Variants in LSM11 observed in about 807,000 individuals in gnomAD.
The protein encoded by LSM11 is LSM11, U7 small nuclear RNA associated, also known as U7 snRNA-associated Sm-like protein LSm11.
Under a neutral mutation model 28.1 loss-of-function variants are expected in LSM11, and 14 were observed. The ratio of observed to expected loss-of-function variants is 0.50; its 90% CI spans 0.33 to 0.78. LSM11 has a LOEUF of 0.78. Among genes scored for constraint, LSM11 ranks in the 30% least tolerant of loss-of-function variants. The pLI, the probability that LSM11 is intolerant of heterozygous loss-of-function variation, is 0.02. For missense variants in LSM11, 495 were observed against 510.6 expected (o/e 0.97, Z 0.30); for synonymous variants, 207 against 214.2 (o/e 0.97, Z 0.30).
chr5:157,747,103 C>T (rs115353537), intron 1 of LSM11, among the ~76,000 whole-genome samples: 6 of 152,124 alleles, frequency 3.9e-5, no homozygotes, highest in African/African-American at 1.4e-4. Flanking sequence ...ATTGACATGC[C>T]TATAGAGATG....
chr5:157,751,616 GT>G, intron 2 of LSM11, 87 bp downstream of exon 2: 1 of 1,424,114 alleles, frequency 7.0e-7, no homozygotes, highest in Non-Finnish European at 9.6e-7. Flanking sequence ...ACTGCATTAA[GT>G]AAAACCCAAA....
rs557208301 is a variant in LSM11, at chr5:157,753,991, G to A, written c.589-13G>A. The stretch of plus-strand genomic sequence containing the variant: ...TTCTGTCTAATGTTTTTCCTTTTGG[G>A]CTGTTCCTCTAGGCACTTACTGATG... On this transcript the variant is annotated splice_polypyrimidine_tract_variant and intron_variant, in intron 2 of 3. Coordinates refer to ENST00000286307, the MANE Select transcript of LSM11 (RefSeq NM_173491.4). The A allele has an allele frequency of 2.0e-6, 3 of 1,502,980 alleles. No homozygotes were observed. In the African/African-American group the frequency reaches 4.3e-5, roughly 22 times the overall value. 93.1% of individuals were successfully genotyped at this position (1,502,980 alleles called of 1,614,324 possible).
At chr5:157,750,467 T>C (rs1372613932) in intron 1 of LSM11, among the ~76,000 whole-genome samples, 1 of 152,234 alleles carries the variant, frequency 6.6e-6, no homozygotes, top group African/African-American at 2.4e-5. Flanking sequence ...AGTAGTGTCA[T>C]AGGAGCCAGA....
In LSM11 at chr5:157,745,487, G is replaced by A. The variant is rs563226750; in HGVS notation, c.448+1289G>A. Among the ~76,000 whole-genome samples, 35 of 152,288 alleles carry A rather than the reference G, an allele frequency of 2.3e-4. No homozygotes were observed. The South Asian group carries it at 6.8e-3, about 30-fold the overall frequency. On this transcript the variant is annotated intron_variant, in intron 1 of 3. Transcript: ENST00000286307. Reference sequence around the variant, plus strand: ...GTTCCCAAAATGAGAGCAGTTTGGGGGACCTTAATTTGCCTATGCAATTTG... The same window carrying A: ...GTTCCCAAAATGAGAGCAGTTTGGGAGACCTTAATTTGCCTATGCAATTTG...
chr5:157,753,953 A>G lies in LSM11; in HGVS notation c.589-51A>G, dbSNP rs201433212. 5.1e-5 allele frequency: 28 copies of G among 546,358 alleles called. No homozygotes were observed. The African/African-American group carries it at 1.0e-3, about 20-fold the overall frequency. 33.8% of individuals were successfully genotyped at this position (546,358 alleles called of 1,614,324 possible). ...TTTTTTCCCTGAAAAAGCTATACAA[A>G]TAATAATTTTAATTCTGTCTAATGT... On this transcript the variant is annotated intron_variant, in intron 2 of 3. Transcript: ENST00000286307.
At chr5:157,751,608 T>G in intron 2 of LSM11, 79 bp downstream of exon 2, 2 of 1,479,490 alleles carry the variant, frequency 1.4e-6, no homozygotes, top group East Asian at 2.4e-5. Flanking sequence ...CCTGAGTAAC[T>G]GCATTAAGTA....
In LSM11 at chr5:157,755,357, T is replaced by A; in HGVS notation, c.*93T>A. The stretch of plus-strand genomic sequence containing the variant: ...ATCCCAGTGAAACTCTGAGTTGGAA[T>A]GATTCCCTCTGGTCCTGCATATGCA... On this transcript the variant is annotated 3_prime_UTR_variant, in exon 4 of 4. Transcript: ENST00000286307. The A allele has an allele frequency of 7.4e-7, 1 of 1,347,158 alleles. No individual in the cohort carries two copies. 83.5% of individuals were successfully genotyped at this position (1,347,158 alleles called of 1,614,324 possible).
intron 1 of LSM11, among the ~76,000 whole-genome samples, chr5:157,748,419 G>A (rs1046410745): frequency 4.6e-5 from 7 of 152,110 alleles, no homozygotes; most frequent in African/African-American, 7.2e-5. Flanking sequence ...ACCCAGTTCT[G>A]GGAAGGCCTC....
chr5:157,746,454 A>C (rs377353443), intron 1 of LSM11, among the ~76,000 whole-genome samples: 3 of 152,250 alleles, frequency 2.0e-5, no homozygotes, highest in African/African-American at 7.2e-5. Context: ...TACCCATCCA[A>C]ATTCACAGAG....
At position 157,760,293 on chromosome 5, in the gene LSM11, A is replaced by G. The variant is rs1393596311; in HGVS notation, c.*5029A>G. 3 of 152,208 alleles carry G rather than the reference A, an allele frequency of 2.0e-5. No individual in the cohort carries two copies. Among genetic ancestry groups the G allele is most frequent in the Admixed American group, 6.5e-5 (1 of 15,292 alleles). The allele number at this position is 152,208 out of a possible 1,614,324, so 9.4% of individuals were successfully genotyped here. A position where few individuals can be genotyped will look rare whatever the true frequency, so the allele number is the denominator to read the frequency against. On this transcript the variant is annotated 3_prime_UTR_variant, in exon 4 of 4. Coordinates refer to ENST00000286307, the MANE Select transcript of LSM11 (RefSeq NM_173491.4). ...TAAATGATGATTATCTGGCTGAATT[A>G]TGTGTGAGCTAGAATCTAGGGTAGC... is the stretch of plus-strand genomic sequence containing the variant.
intron 2 of LSM11, 83 bp from the exon 3 acceptor site, chr5:157,753,921 C>G (rs1761280700): frequency 1.1e-6 from 1 of 941,572 alleles, no homozygotes; most frequent in Non-Finnish European, 1.5e-6. Flanking sequence ...TGTTACTCTG[C>G]CTTTTTTTTT....
chr5:157,751,277 T>C lies in LSM11; in HGVS notation c.449-113T>C. 4.2e-6 allele frequency: 5 copies of C among 1,201,002 alleles called. 1 individual carries two copies. The highest frequency in any genetic ancestry group is 1.5e-5 in the African/African-American group (1 of 64,824). 74.4% of individuals were successfully genotyped at this position (1,201,002 alleles called of 1,614,324 possible). On this transcript the variant is annotated intron_variant, in intron 1 of 3. Transcript: ENST00000286307. The stretch of plus-strand genomic sequence containing the variant: ...GGACCTTCCTGTTCCAATAGTGAGA[T>C]TGTCACTCTACCATGGGCCACATGT...
rs1383394805 is a variant in LSM11, at chr5:157,759,960, C to T, written c.*4696C>T. 1.3e-5 allele frequency: 2 copies of T among 152,146 alleles called. No homozygotes were observed. The highest frequency in any genetic ancestry group is 2.9e-5 in the Non-Finnish European group (2 of 68,018). 9.4% of individuals were successfully genotyped at this position (152,146 alleles called of 1,614,324 possible). A position where few individuals can be genotyped will look rare whatever the true frequency, so the allele number is the denominator to read the frequency against. Reference sequence around the variant, plus strand: ...CACTGCTCTAATAAAAATGAAAGCTCTCTGACAAGAAATAGTTCTGGATGG... The same window carrying T: ...CACTGCTCTAATAAAAATGAAAGCTTTCTGACAAGAAATAGTTCTGGATGG... On this transcript the variant is annotated 3_prime_UTR_variant, in exon 4 of 4. Transcript: ENST00000286307.
intron 2 of LSM11, 71 bp from the exon 3 acceptor site, chr5:157,753,933 T>C (rs201133764): frequency 2.9e-5 from 31 of 1,062,636 alleles, no homozygotes; most frequent in African/African-American, 2.5e-4. Context: ...TTTTTTTTTT[T>C]CCCTGAAAAA....
intron 1 of LSM11, among the ~76,000 whole-genome samples, chr5:157,745,330 G>A (rs1761131447): frequency 6.6e-6 from 1 of 152,180 alleles, no homozygotes; most frequent in Admixed American, 6.5e-5. Context: ...TTTATTAAGA[G>A]AGAACATCCT....
intron 1 of LSM11, among the ~76,000 whole-genome samples, chr5:157,744,746 G>A (rs1761120839): frequency 6.6e-6 from 1 of 152,202 alleles, no homozygotes; most frequent in Admixed American, 6.5e-5. Context: ...ATGATCGGAT[G>A]GAGTGTGGGG....
At chr5:157,751,571 A>G (rs202182360) in intron 2 of LSM11, 42 bp downstream of exon 2, 12 of 1,474,532 alleles carry the variant, frequency 8.1e-6, no homozygotes, top group African/African-American at 2.6e-5. Flanking sequence ...CCTCCTACAG[A>G]TTATATCTTC....
chr5:157,743,795 C>A lies in LSM11; in HGVS notation c.45C>A (p.Ser15Arg). Residue 15 changes from serine to arginine, a missense_variant, in exon 1 of 4, where the codon AGC (serine) becomes AGA (arginine). By Grantham distance (110) the Ser-to-Arg change is moderately radical. Coordinates refer to ENST00000286307, the MANE Select transcript of LSM11 (RefSeq NM_173491.4). Reference protein sequence around the residue: ...ERGARSAGAGSPARPPSPRLD... With the variant: ...ERGARSAGAGRPARPPSPRLD... ...GGGCGAGGTCGGCTGGCGCCGGGAGCCCCGCGCGCCCGCCCAGCCCGCGGC... is the reference window on the plus strand; with the variant it reads ...GGGCGAGGTCGGCTGGCGCCGGGAGACCCGCGCGCCCGCCCAGCCCGCGGC... 6.9e-7 allele frequency: 1 copy of A among 1,454,900 alleles called. No homozygotes were observed. 90.1% of individuals were successfully genotyped at this position (1,454,900 alleles called of 1,614,324 possible). A position where few individuals can be genotyped will look rare whatever the true frequency, so the allele number is the denominator to read the frequency against.
At chr5:157,752,662 A>G (rs1020285152) in intron 2 of LSM11, among the ~76,000 whole-genome samples, 12 of 151,482 alleles carry the variant, frequency 7.9e-5, no homozygotes, top group Non-Finnish European at 1.3e-4. Context: ...CCTGGCCAAC[A>G]TAGGGAAACC....
Sources: allele counts gnomAD v4.1 joint callset (sites outside exome capture counted in the v4.1 genomes callset), GRCh38; gene constraint gnomAD v4.1.1; transcripts MANE v1.5; gene names NCBI Gene and HGNC (gene_info 2026-07-23, HGNC 2026-07-21).